The following IGSF11 variants were observed in gnomAD, a reference collection of about 807,000 sequenced individuals.
IGSF11 encodes the protein CXADR like 1.
In IGSF11, 22 loss-of-function variants were observed where a neutral mutation model predicts 41.0. That is an observed-to-expected ratio of 0.54 (90% confidence interval 0.38 to 0.77). The LOEUF (loss-of-function observed/expected upper bound fraction) is 0.77, where lower values mean the gene tolerates loss of function less well. IGSF11 is among the 30% of genes least tolerant of loss of function. The pLI is 0.00. For missense variants in IGSF11, 444 were observed against 530.8 expected (o/e 0.84, Z 1.61); for synonymous variants, 219 against 201.3 (o/e 1.09, Z -0.74).
intron 1 of IGSF11, among the ~76,000 whole-genome samples, chr3:119,021,525 T>C (rs1317408731): frequency 6.6e-6 from 1 of 152,182 alleles, no homozygotes; most frequent in African/African-American, 2.4e-5. Flanking sequence ...ATGTAGGCAC[T>C]GTACTAGACT....
At chr3:119,126,816 T>C (rs13317646) in intron 1 of IGSF11, among the ~76,000 whole-genome samples, 69,952 of 145,282 alleles carry the variant, frequency 0.48, 16,201 homozygotes, top group East Asian at 0.49. Context: ...AAGCAGAAAG[T>C]GACAACAACA....
chr3:119,068,175 T>C (rs1391041620), intron 1 of IGSF11, among the ~76,000 whole-genome samples: 1 of 152,206 alleles, frequency 6.6e-6, no homozygotes, highest in Admixed American at 6.5e-5. Flanking sequence ...AGACCGTCCA[T>C]AGAGCAGAAA....
At chr3:119,111,317 C>T (rs1480994235) in intron 1 of IGSF11, among the ~76,000 whole-genome samples, 1 of 152,042 alleles carries the variant, frequency 6.6e-6, no homozygotes, top group Non-Finnish European at 1.5e-5. Flanking sequence ...TCTAAACTTC[C>T]CTTCTTGCTT....
chr3:119,021,351 G>C (rs1292447058), intron 1 of IGSF11, among the ~76,000 whole-genome samples: 1 of 152,132 alleles, frequency 6.6e-6, no homozygotes, highest in Non-Finnish European at 1.5e-5. Context: ...CAGTGATAAA[G>C]ATGATGGTGA....
intron 1 of IGSF11, among the ~76,000 whole-genome samples, chr3:118,946,731 A>G (rs765532574): frequency 1.3e-5 from 2 of 152,228 alleles, no homozygotes; most frequent in Non-Finnish European, 2.9e-5. Context: ...AGGTAAAACA[A>G]TAAGAGTACA....
chr3:119,111,783 T>G (rs552682785), intron 1 of IGSF11, among the ~76,000 whole-genome samples: 10 of 152,360 alleles, frequency 6.6e-5, no homozygotes, highest in African/African-American at 2.4e-4. Context: ...TGGATGTTCT[T>G]TCTGTTTGTT....
rs538171493 is a variant in IGSF11, at chr3:119,085,386, C to T, written c.49+19758G>A. On this transcript the variant is annotated intron_variant, in intron 1 of 6. Transcript: ENST00000354673. ...GAAAACTTCCATAAATGAAGCCAAC[C>T]GACTGTGTACTCAAATTTACACCAC... Among the ~76,000 whole-genome samples, 7 of 152,230 alleles carry T rather than the reference C, an allele frequency of 4.6e-5. No homozygotes were observed. The South Asian group carries it at 8.3e-4, about 18-fold the overall frequency.
At chr3:119,073,893 G>C (rs547731640) in intron 1 of IGSF11, among the ~76,000 whole-genome samples, 1 of 152,366 alleles carries the variant, frequency 6.6e-6, no homozygotes, top group East Asian at 1.9e-4. Flanking sequence ...TGGCCAGAGT[G>C]GGCACCAAGG....
chr3:119,046,687 A>T (rs1102583), intron 1 of IGSF11, among the ~76,000 whole-genome samples: 84,390 of 151,424 alleles, frequency 0.56, 23,581 homozygotes, highest in African/African-American at 0.61. Flanking sequence ...CAAGACACAT[A>T]ATTGTCAGAT....
chr3:119,054,721 A>C (rs1292862825), intron 1 of IGSF11, among the ~76,000 whole-genome samples: 1 of 152,228 alleles, frequency 6.6e-6, no homozygotes, highest in East Asian at 1.9e-4. Flanking sequence ...TGAAAAAGAC[A>C]CTTGCACACA....
intron 1 of IGSF11, among the ~76,000 whole-genome samples, chr3:119,126,815 G>GCGACAACAACAGCA (rs1275412606): frequency 1.4e-5 from 2 of 146,018 alleles, no homozygotes; most frequent in Non-Finnish European, 3.1e-5. Flanking sequence ...CAAGCAGAAA[G>GCGACAACAACAGCA]TGACAACAAC....
intron 1 of IGSF11, among the ~76,000 whole-genome samples, chr3:119,043,366 T>G (rs1941196625): frequency 6.6e-6 from 1 of 152,148 alleles, no homozygotes; most frequent in South Asian, 2.1e-4. Flanking sequence ...ACCTGATTAG[T>G]CGGGTGTGAG....
chr3:119,025,095 G>A (rs749708229), intron 1 of IGSF11, among the ~76,000 whole-genome samples: 1 of 152,096 alleles, frequency 6.6e-6, no homozygotes, highest in Admixed American at 6.5e-5. Context: ...TAATTCTGAG[G>A]ATAGAAATTA....
intron 6 of IGSF11, among the ~76,000 whole-genome samples, chr3:118,903,819 G>C (rs866233179): frequency 6.6e-6 from 1 of 152,124 alleles, no homozygotes; most frequent in African/African-American, 2.4e-5. Flanking sequence ...GGTTAGGCAA[G>C]GGGCTAAAGA....
chr3:119,083,554 ATAGAGTCATGTAC>A (rs2076621556), intron 1 of IGSF11, among the ~76,000 whole-genome samples: 1 of 72,148 alleles, frequency 1.4e-5, no homozygotes, highest in Admixed American at 1.2e-4. Context: ...ACACACACAC[ATAGAGTCATGTAC>A]CACATAATGA....
chr3:118,984,631 A>G (rs1348493553), intron 1 of IGSF11, among the ~76,000 whole-genome samples: 1 of 152,208 alleles, frequency 6.6e-6, no homozygotes, highest in Non-Finnish European at 1.5e-5. Flanking sequence ...CAAATGAAAG[A>G]GGGTAGGAAG....
intron 1 of IGSF11, among the ~76,000 whole-genome samples, chr3:118,931,291 C>T (rs1252010120): frequency 6.6e-6 from 1 of 152,172 alleles, no homozygotes. Flanking sequence ...TCAGCAATTT[C>T]GTTTACTAGG....
chr3:118,925,849 TA>T, intron 4 of IGSF11: 1 of 235,270 alleles, frequency 4.3e-6, no homozygotes, highest in East Asian at 8.0e-5. Flanking sequence ...TTAGGTGCTT[TA>T]AATCTTCACG....
At chr3:119,076,375 A>C (rs1289019053) in intron 1 of IGSF11, among the ~76,000 whole-genome samples, 22 of 152,148 alleles carry the variant, frequency 1.4e-4, no homozygotes, top group Admixed American at 7.9e-4. Flanking sequence ...TCTAAAACAC[A>C]AAAAGCAATG....
Sources: allele counts gnomAD v4.1 joint callset (sites outside exome capture counted in the v4.1 genomes callset), GRCh38; gene constraint gnomAD v4.1.1; transcripts MANE v1.5; gene names NCBI Gene and HGNC (gene_info 2026-07-23, HGNC 2026-07-21).